The following CHRNA3 variants were observed in gnomAD, a reference collection of about 807,000 sequenced individuals.
The protein encoded by CHRNA3 is neuronal acetylcholine receptor subunit alpha-3.
CHRNA3 carries 34 observed loss-of-function variants against 41.9 expected under a neutral mutation model. That is an observed-to-expected ratio of 0.81 (90% CI 0.62 to 1.08). The LOEUF is 1.08. Among genes scored for constraint, CHRNA3 ranks in the 50% least tolerant of loss-of-function variants. The pLI, the probability that CHRNA3 is intolerant of heterozygous loss-of-function variation, is 0.00. For synonymous variants in CHRNA3, 281 were observed against 265.2 expected (o/e 1.06, Z -0.58); for missense variants, 542 against 638.3 (o/e 0.85, Z 1.63).
At chr15:78,602,433 G>A (rs527699645) in intron 4 of CHRNA3, among the ~76,000 whole-genome samples, 169 bp from the exon 5 acceptor site, 2 of 152,262 alleles carry the variant, frequency 1.3e-5, no homozygotes, top group South Asian at 4.1e-4. Flanking sequence ...TACCAACAGG[G>A]ATACTGAGGC....
At chr15:78,605,357 G>A (rs1267740838) in intron 4 of CHRNA3, among the ~76,000 whole-genome samples, 1 of 152,162 alleles carries the variant, frequency 6.6e-6, no homozygotes, top group African/African-American at 2.4e-5. Context: ...AGAGTGTGCG[G>A]TCAGACCACC....
intron 1 of CHRNA3, 51 bp downstream of exon 1, chr15:78,620,662 G>A (rs900644043): frequency 1.3e-6 from 2 of 1,494,702 alleles, no homozygotes; most frequent in Non-Finnish European, 1.8e-6. Flanking sequence ...CGGACCCCGC[G>A]CCCCTTCTCG....
At position 78,602,106 on chromosome 15, in the gene CHRNA3, G is replaced by A; in HGVS notation, c.536C>T (p.Ser179Phe). 6.2e-7 allele frequency: 1 copy of A among 1,614,112 alleles called. No homozygotes were observed. Among genetic ancestry groups the A allele is most frequent in the Non-Finnish European group, 8.5e-7 (1 of 1,180,022 alleles). The change falls in exon 5 of 6, where the codon TCC (serine) becomes TTC (phenylalanine). Residue 179 changes from serine (S) to phenylalanine (F), a missense_variant. By Grantham distance (155) the Ser-to-Phe change is radical (BLOSUM62 -2). Transcript: ENST00000326828. Reference protein sequence around the residue: ...DYQNCTMKFGSWSYDKAKIDL... With the variant: ...DYQNCTMKFGFWSYDKAKIDL... Reference sequence around the variant, plus strand: ...GATTTTCGCCTTATCGTAGGACCAGGAACCGAACTTCATGGTACAGTTTTG... The same window carrying A: ...GATTTTCGCCTTATCGTAGGACCAGAAACCGAACTTCATGGTACAGTTTTG...
Position 78,600,560 on chromosome 15 carries a change from C to T in CHRNA3, c.1389+693G>A, listed in dbSNP as rs116454651. On this transcript the variant is annotated intron_variant, in intron 5 of 5. Coordinates refer to ENST00000326828, the MANE Select transcript of CHRNA3 (RefSeq NM_000743.5). ...GCACTTTACTCCACGTAAATTCTTCCTCAGTGAGAACACATATACAATTAG... is the reference window on the plus strand; with the variant it reads ...GCACTTTACTCCACGTAAATTCTTCTTCAGTGAGAACACATATACAATTAG... Among the ~76,000 whole-genome samples the T allele has an allele frequency of 2.1e-3, 318 of 152,274 alleles. 1 individual carries two copies. The highest frequency in any genetic ancestry group is 7.5e-3 in the African/African-American group (313 of 41,540).
At chr15:78,614,621 C>CA (rs1336493680) in intron 4 of CHRNA3, among the ~76,000 whole-genome samples, 1 of 152,122 alleles carries the variant, frequency 6.6e-6, no homozygotes, top group African/African-American at 2.4e-5. Flanking sequence ...TTATTTTGTA[C>CA]TAATATGGCA....
Position 78,602,243 on chromosome 15 carries a change from C to T in CHRNA3, c.399G>A (p.Val133=), listed in dbSNP as rs771344616. ...TGAGTAAGGCTTTGGTCTTGTCGTC[C>T]ACCTGGAAATCCCCAACAGCACTGC... is the stretch of plus-strand genomic sequence containing the variant. ...LYNNAVGDFQ[V]DDKTKALLKY... The change falls in exon 5 of 6, where the codon GTG becomes GTA. Residue 133 remains valine, a synonymous_variant. Coordinates refer to ENST00000326828, the MANE Select transcript of CHRNA3 (RefSeq NM_000743.5). 1.9e-6 allele frequency: 3 copies of T among 1,613,728 alleles called. No individual in the cohort carries two copies. The highest frequency in any genetic ancestry group is 2.2e-5 in the South Asian group (2 of 91,042).
intron 4 of CHRNA3, among the ~76,000 whole-genome samples, chr15:78,605,569 T>C (rs767155444): frequency 2.6e-5 from 4 of 152,172 alleles, no homozygotes; most frequent in Admixed American, 2.6e-4. Context: ...CAGAGAGGGC[T>C]CCACAGGTTC....
chr15:78,620,826 C>G lies in CHRNA3; in HGVS notation c.-32G>C. 1 of 1,348,020 alleles carries G rather than the reference C, an allele frequency of 7.4e-7. No homozygotes were observed. The highest frequency in any genetic ancestry group is 9.4e-7 in the Non-Finnish European group (1 of 1,059,620). The allele number at this position is 1,348,020 out of a possible 1,614,324, so 83.5% of individuals were successfully genotyped here. A position where few individuals can be genotyped will look rare whatever the true frequency, so the allele number is the denominator to read the frequency against. The stretch of plus-strand genomic sequence containing the variant: ...TGGCCGGGCTGGCCGCGGACCCGGA[C>G]GGTCGGGAGCGGGCGCGGCGGTCGC... On this transcript the variant is annotated 5_prime_UTR_variant, in exon 1 of 6. Coordinates refer to ENST00000326828, the MANE Select transcript of CHRNA3 (RefSeq NM_000743.5).
At chr15:78,598,998 C>T (rs893586344) in intron 5 of CHRNA3, among the ~76,000 whole-genome samples, 16 of 151,460 alleles carry the variant, frequency 1.1e-4, no homozygotes, top group Non-Finnish European at 1.5e-4. Flanking sequence ...CACCACCCCC[C>T]GGTTAATTTA....
chr15:78,607,185 T>G (rs1207487523), intron 4 of CHRNA3, among the ~76,000 whole-genome samples: 2 of 137,044 alleles, frequency 1.5e-5, no homozygotes, highest in African/African-American at 5.6e-5. Context: ...GCCAAGGCAC[T>G]CCAGCCTGGC....
At chr15:78,593,601 T>G (rs2053047180), downstream of CHRNA3, 1 of 163,868 alleles carries the variant, frequency 6.1e-6, no homozygotes, top group Non-Finnish European at 1.3e-5. Context: ...TGAAGACTGA[T>G]TTTAAAACTT....
rs1320952534 is a variant in CHRNA3 at position 78,601,735 on chromosome 15, G to A, written c.907C>T (p.Leu303=). 6.2e-7 allele frequency: 1 copy of A among 1,613,334 alleles called. No homozygotes were observed. Among genetic ancestry groups the A allele is most frequent in the Non-Finnish European group, 8.5e-7 (1 of 1,179,340 alleles). ...TIPSTSLVIP[L]IGEYLLFTMI... Reference sequence around the variant, plus strand: ...GTGAACAGGAGGTACTCTCCAATCAGGGGGATGACCAGCGAGGTGGAAGGG... The same window carrying A: ...GTGAACAGGAGGTACTCTCCAATCAAGGGGATGACCAGCGAGGTGGAAGGG... Residue 303 remains leucine (L), a synonymous_variant, in exon 5 of 6, where the codon CTG becomes TTG. Transcript: ENST00000326828.
chr15:78,618,966 C>T, intron 1 of CHRNA3, 51 bp from the exon 2 acceptor site: 1 of 1,592,480 alleles, frequency 6.3e-7, no homozygotes, highest in Non-Finnish European at 8.6e-7. Flanking sequence ...CTTAACCTCC[C>T]CCACCCAGCC....
chr15:78,620,685 T>C (rs1244590297), intron 1 of CHRNA3, 28 bp downstream of exon 1: 3 of 1,501,944 alleles, frequency 2.0e-6, no homozygotes, highest in Non-Finnish European at 2.6e-6. Context: ...CGCCCGTCCC[T>C]CCGGAGCCCT....
In CHRNA3 at chr15:78,595,627, CAT is replaced by C. The variant is rs1278112467; in HGVS notation, c.*975_*976del. 5 of 153,928 alleles carry C rather than the reference CAT, an allele frequency of 3.2e-5. No individual in the cohort carries two copies. Among genetic ancestry groups the C allele is most frequent in the African/African-American group, 1.2e-4 (5 of 41,464 alleles). The allele number at this position is 153,928 out of a possible 1,614,324, so 9.5% of individuals were successfully genotyped here. A position where few individuals can be genotyped will look rare whatever the true frequency, so the allele number is the denominator to read the frequency against. On this transcript the variant is annotated 3_prime_UTR_variant, in exon 6 of 6. Coordinates refer to ENST00000326828, the MANE Select transcript of CHRNA3 (RefSeq NM_000743.5). ...AGGATACCCCCATTCTGTACCAACA[CAT>C]ATTTATCCAGCCCAAAATGTCCATA...
At chr15:78,614,231 G>C (rs2053428834) in intron 4 of CHRNA3, among the ~76,000 whole-genome samples, 1 of 152,272 alleles carries the variant, frequency 6.6e-6, no homozygotes, top group Admixed American at 6.5e-5. Flanking sequence ...CGCAAAACAT[G>C]AAGATTAAAC....
chr15:78,605,856 C>T (rs2053277443), intron 4 of CHRNA3, among the ~76,000 whole-genome samples: 2 of 152,150 alleles, frequency 1.3e-5, no homozygotes, highest in Non-Finnish European at 1.5e-5. Context: ...GCGGTCATGT[C>T]ATGACTGAGG....
At chr15:78,617,169 T>TA (rs1407518637) in intron 3 of CHRNA3, 36 bp from the exon 4 acceptor site, 1 of 1,433,000 alleles carries the variant, frequency 7.0e-7, no homozygotes. Context: ...AAGGAGACGG[T>TA]AAAAGAATCA....
chr15:78,604,708 C>T (rs966718482), intron 4 of CHRNA3, among the ~76,000 whole-genome samples: 4 of 152,114 alleles, frequency 2.6e-5, no homozygotes, highest in Non-Finnish European at 4.4e-5. Flanking sequence ...GTTGACCTAA[C>T]GAATGACCAA....
Sources: allele counts gnomAD v4.1 joint callset (sites outside exome capture counted in the v4.1 genomes callset), GRCh38; gene constraint gnomAD v4.1.1; transcripts MANE v1.5; gene names NCBI Gene and HGNC (gene_info 2026-07-23, HGNC 2026-07-21).